NLRP9: variants seen among roughly 807,000 people sequenced by gnomAD.
The protein encoded by NLRP9 is NLR family pyrin domain containing 9.
Under a neutral mutation model 83.1 loss-of-function variants are expected in NLRP9, and 88 were observed. The ratio of observed to expected loss-of-function variants is 1.06; its 90% CI spans 0.89 to 1.26. The LOEUF (loss-of-function observed/expected upper bound fraction) is 1.26. Among genes scored for constraint, NLRP9 ranks in the 50% most tolerant of loss-of-function variants. The pLI, the probability that NLRP9 is intolerant of heterozygous loss-of-function variation, is 0.00. For synonymous variants in NLRP9, 521 were observed against 447.6 expected, an observed-to-expected ratio of 1.16 and a Z score of -2.07; for missense variants, 1,308 against 1,179.3, an observed-to-expected ratio of 1.11 and a Z score of -1.60.
At chr19:55,718,625 G>A (rs1021574260) in intron 4 of NLRP9, among the ~76,000 whole-genome samples, 2 of 152,074 alleles carry the variant, frequency 1.3e-5, no homozygotes, top group East Asian at 1.9e-4. Flanking sequence ...AGATTCCTTC[G>A]CTCACATGTT....
chr19:55,716,598 G>A, intron 5 of NLRP9, 130 bp downstream of exon 5: 1 of 731,042 alleles, frequency 1.4e-6, no homozygotes, highest in Non-Finnish European at 2.3e-6. Context: ...CGTGGGAAAG[G>A]AACTCAGGTC....
At chr19:55,722,356 G>C (rs1253920797) in intron 4 of NLRP9, among the ~76,000 whole-genome samples, 1 of 152,104 alleles carries the variant, frequency 6.6e-6, no homozygotes, top group Admixed American at 6.6e-5. Flanking sequence ...GAGAAAGTTA[G>C]AGTAGAAGTT....
chr19:55,728,567 C>T (rs1461349710), intron 3 of NLRP9, among the ~76,000 whole-genome samples: 2 of 152,038 alleles, frequency 1.3e-5, no homozygotes, highest in African/African-American at 2.4e-5. Flanking sequence ...AGCGAAACTC[C>T]GTCTCAAAGC....
chr19:55,738,396 G>C lies in NLRP9; in HGVS notation c.-22C>G, dbSNP rs1190913647. ...CCATATCGCCCCAGGATTGTGAACTGAGGTGTCTCCAGAGGGAAAAGAAAG... is the reference window on the plus strand; with the variant it reads ...CCATATCGCCCCAGGATTGTGAACTCAGGTGTCTCCAGAGGGAAAAGAAAG... On this transcript the variant is annotated 5_prime_UTR_variant, in exon 1 of 9. Coordinates refer to ENST00000332836, the MANE Select transcript of NLRP9 (RefSeq NM_176820.4). The C allele has an allele frequency of 2.5e-6, 4 of 1,602,294 alleles. No individual in the cohort carries two copies. The highest frequency in any genetic ancestry group is 3.4e-6 in the Non-Finnish European group (4 of 1,175,628).
intron 4 of NLRP9, among the ~76,000 whole-genome samples, chr19:55,720,176 G>A (rs925592198): frequency 6.6e-6 from 1 of 152,126 alleles, no homozygotes; most frequent in African/African-American, 2.4e-5. Context: ...ACAGCATTCT[G>A]TGTTCATATG....
chr19:55,711,994 G>T (rs758706123), intron 7 of NLRP9, 24 bp from the exon 8 acceptor site: 2 of 1,608,166 alleles, frequency 1.2e-6, no homozygotes, highest in Non-Finnish European at 1.7e-6. Context: ...ACACACCAGA[G>T]AATCCACTCT....
intron 3 of NLRP9, among the ~76,000 whole-genome samples, chr19:55,729,146 T>A (rs1481642957): frequency 6.9e-6 from 1 of 144,418 alleles, no homozygotes; most frequent in Non-Finnish European, 1.5e-5. Context: ...CTATTCTCCA[T>A]CCACTCACAT....
At chr19:55,718,443 A>G (rs553603983) in intron 4 of NLRP9, among the ~76,000 whole-genome samples, 42 of 152,318 alleles carry the variant, frequency 2.8e-4, no homozygotes, top group South Asian at 1.4e-3. Context: ...ATTCCCATTC[A>G]TTCCATTCTG....
rs1988599317 is a variant in NLRP9 at position 55,732,362 on chromosome 19, T to G, written c.1469A>C (p.Gln490Pro). Residue 490 changes from glutamine to proline, a missense_variant, in exon 2 of 9, where the codon CAG becomes CCG. By Grantham distance (76) the Gln-to-Pro change is moderately conservative. Coordinates refer to ENST00000332836, the MANE Select transcript of NLRP9 (RefSeq NM_176820.4). ...SVVQPQTLLT[Q>P]VGIFMFGIST... ...AATTCCAAACATGAATATCCCCACC[T>G]GGGTCAAGAGGGTTTGAGGCTGAAC... 2 of 1,614,104 alleles carry G rather than the reference T, an allele frequency of 1.2e-6. No homozygotes were observed. Among genetic ancestry groups the G allele is most frequent in the Admixed American group, 1.7e-5 (1 of 60,002 alleles).
intron 3 of NLRP9, among the ~76,000 whole-genome samples, chr19:55,726,664 G>C (rs1369739101): frequency 6.6e-6 from 1 of 152,144 alleles, no homozygotes; most frequent in Non-Finnish European, 1.5e-5. Context: ...GGGAAAAAAA[G>C]TTGATAAATA....
chr19:55,714,587 T>C (rs1022529585), intron 6 of NLRP9, among the ~76,000 whole-genome samples: 9 of 119,790 alleles, frequency 7.5e-5, no homozygotes, highest in Non-Finnish European at 1.4e-4. Flanking sequence ...CTCATCTGGA[T>C]TTTTTTTTTT....
chr19:55,711,639 A>G, intron 8 of NLRP9, 161 bp downstream of exon 8: 2 of 875,316 alleles, frequency 2.3e-6, no homozygotes. Context: ...TTACAATGTC[A>G]ATGGTTTTTA....
rs948831406 is a variant in NLRP9 at position 55,709,146 on chromosome 19, C to T, written c.2844-102G>A. On this transcript the variant is annotated intron_variant, in intron 8 of 8. Coordinates refer to ENST00000332836, the MANE Select transcript of NLRP9 (RefSeq NM_176820.4). ...ACCTCTCCTCTCCTCTTTATTCTTTCCTAGAAATCACTGGGAGAATTGTAC... is the reference window on the plus strand; with the variant it reads ...ACCTCTCCTCTCCTCTTTATTCTTTTCTAGAAATCACTGGGAGAATTGTAC... 2.2e-5 allele frequency: 17 copies of T among 761,290 alleles called. No individual in the cohort carries two copies. The African/African-American group carries it at 3.0e-4, about 13-fold the overall frequency. 47.2% of individuals were successfully genotyped at this position (761,290 alleles called of 1,614,324 possible). A position where few individuals can be genotyped will look rare whatever the true frequency, so the allele number is the denominator to read the frequency against.
chr19:55,711,925 G>T lies in NLRP9; in HGVS notation c.2718C>A (p.Ala906=), dbSNP rs539738770. 1 of 1,613,054 alleles carries T rather than the reference G, an allele frequency of 6.2e-7. No individual in the cohort carries two copies. The highest frequency in any genetic ancestry group is 8.5e-7 in the Non-Finnish European group (1 of 1,179,952). ...GTGTTTTGCAGGCGATGAGTGCTGCGGCGATGTCGTCGCAGCAGGCACGGG... is the reference window on the plus strand; with the variant it reads ...GTGTTTTGCAGGCGATGAGTGCTGCTGCGATGTCGTCGCAGCAGGCACGGG... ...PITRACCDDI[A]AALIACKTLR... The change falls in exon 8 of 9, where the codon GCC becomes GCA. Residue 906 remains alanine (A), a synonymous_variant. Transcript: ENST00000332836.
Position 55,708,656 on chromosome 19 carries a change from T to C in NLRP9, c.*256A>G, listed in dbSNP as rs1364739087. On this transcript the variant is annotated 3_prime_UTR_variant, in exon 9 of 9. Coordinates refer to ENST00000332836, the MANE Select transcript of NLRP9 (RefSeq NM_176820.4). Reference sequence around the variant, plus strand: ...CTTTCCAGAGCGTTTAGCACTTGTTTAACGTACTTGTGCTTCTAAATATCA... The same window carrying C: ...CTTTCCAGAGCGTTTAGCACTTGTTCAACGTACTTGTGCTTCTAAATATCA... 3.1e-6 allele frequency: 1 copy of C among 317,560 alleles called. No homozygotes were observed. The highest frequency in any genetic ancestry group is 5.7e-6 in the Non-Finnish European group (1 of 174,896). The allele number at this position is 317,560 out of a possible 1,614,324, so 19.7% of individuals were successfully genotyped here. A position where few individuals can be genotyped will look rare whatever the true frequency, so the allele number is the denominator to read the frequency against.
intron 1 of NLRP9, among the ~76,000 whole-genome samples, chr19:55,734,077 T>C (rs1178156030): frequency 1.3e-5 from 2 of 151,922 alleles, no homozygotes; most frequent in South Asian, 2.1e-4. Context: ...CGCCCGCCAC[T>C]ACGCATGGTT....
intron 7 of NLRP9, 62 bp downstream of exon 7, chr19:55,712,358 C>T (rs1437960978): frequency 7.1e-7 from 1 of 1,413,398 alleles, no homozygotes; most frequent in Non-Finnish European, 9.9e-7. Flanking sequence ...TATTGACCCT[C>T]CAGCAATTCC....
chr19:55,732,268 C>T lies in NLRP9; in HGVS notation c.1563G>A (p.Gln521=). 1.2e-6 allele frequency: 2 copies of T among 1,614,110 alleles called. No individual in the cohort carries two copies. The highest frequency in any genetic ancestry group is 1.3e-5 in the African/African-American group (1 of 75,032). The change falls in exon 2 of 9, where the codon CAG becomes CAA. Residue 521 remains glutamine (Q), a synonymous_variant. Transcript: ENST00000332836. ...AACTTTCAAGGCATTGGGTTATTTC[C>T]TGCTTTAGGTCTTTTGACAGTGGAA... is the stretch of plus-strand genomic sequence containing the variant. ...FGFPLSKDLK[Q]EITQCLESLS...
At chr19:55,725,089 G>T (rs899870974) in intron 3 of NLRP9, among the ~76,000 whole-genome samples, 1 of 152,088 alleles carries the variant, frequency 6.6e-6, no homozygotes, top group Non-Finnish European at 1.5e-5. Context: ...TTATTGTAAT[G>T]CCTGGAACAT....
Sources: gnomAD v4.1 joint callset for allele counts (sites outside exome capture counted in the v4.1 genomes callset) on GRCh38, gnomAD v4.1.1 for gene constraint, MANE v1.5 for transcripts, NCBI Gene and HGNC (gene_info 2026-07-23, HGNC 2026-07-21) for gene names.